The following PRDM10 variants were observed in gnomAD, a reference collection of about 807,000 sequenced individuals.
PRDM10 encodes the protein PR domain zinc finger protein 10.
Under a neutral mutation model 133.1 loss-of-function variants are expected in PRDM10, and 65 were observed. That is an observed-to-expected ratio of 0.49 (90% CI 0.40 to 0.60). The LOEUF (loss-of-function observed/expected upper bound fraction) is 0.60. Ranked by LOEUF, PRDM10 falls within the 20% of genes least tolerant of loss-of-function variation. The pLI is 0.00. For synonymous variants in PRDM10, 582 were observed against 580.4 expected (o/e 1.00, Z -0.04); for missense variants, 1,137 against 1,507.1 (o/e 0.75, Z 4.07).
At chr11:129,917,270 G>C (rs762813278) in intron 14 of PRDM10, 33 bp from the exon 15 acceptor site, 5 of 1,513,866 alleles carry the variant, frequency 3.3e-6, no homozygotes, top group African/African-American at 2.8e-5. Context: ...ATGAGAAAAA[G>C]AGACCCCATT....
rs946705713 is a variant in PRDM10, at chr11:129,945,029, G to A, written c.521-17C>T. 7 of 1,607,500 alleles carry A rather than the reference G, an allele frequency of 4.4e-6. No homozygotes were observed. Among genetic ancestry groups the A allele is most frequent in the Non-Finnish European group, 5.1e-6 (6 of 1,178,474 alleles). ...CCTCACACCCTGCAAAAGAGAGACA[G>A]TCTTGAAGAAAAGTCCAATTCCTCA... On this transcript the variant is annotated splice_polypyrimidine_tract_variant and intron_variant, in intron 5 of 20. Coordinates refer to ENST00000360871, the MANE Select transcript of PRDM10 (RefSeq NM_199437.2). This position sits in a 1 kb window ranked among gnomAD's most constrained non-coding sequence, Gnocchi z 4.2.
At chr11:129,925,702 C>G (rs1354559608) in intron 11 of PRDM10, among the ~76,000 whole-genome samples, 1 of 129,224 alleles carries the variant, frequency 7.7e-6, no homozygotes, top group Admixed American at 7.7e-5. Context: ...TTAGCAAAAA[C>G]AAAACAAACA....
intron 1 of PRDM10, among the ~76,000 whole-genome samples, chr11:129,983,784 T>G (rs1476778028): frequency 6.6e-6 from 1 of 150,636 alleles, no homozygotes; most frequent in Non-Finnish European, 1.5e-5. Context: ...TAGACTAAAC[T>G]ATAAGAAGAA....
At chr11:129,976,911 A>T (rs1200386297) in intron 1 of PRDM10, among the ~76,000 whole-genome samples, 1 of 152,132 alleles carries the variant, frequency 6.6e-6, no homozygotes, top group African/African-American at 2.4e-5. Context: ...ATTTTAAAAG[A>T]TTAACAACCA....
chr11:129,946,300 C>T (rs926269620), intron 5 of PRDM10, among the ~76,000 whole-genome samples: 3 of 151,644 alleles, frequency 2.0e-5, no homozygotes, highest in African/African-American at 4.8e-5. Flanking sequence ...GAAAAGAAAA[C>T]GTATGAATTC....
intron 19 of PRDM10, among the ~76,000 whole-genome samples, chr11:129,909,030 C>T (rs1045148925): frequency 1.3e-5 from 2 of 151,844 alleles, no homozygotes; most frequent in Admixed American, 6.6e-5. Flanking sequence ...ACGCCTGGCC[C>T]GCTCCACTCT....
chr11:130,002,148 GC>G (rs1939437996), intron 1 of PRDM10, among the ~76,000 whole-genome samples: 1 of 149,200 alleles, frequency 6.7e-6, no homozygotes, highest in South Asian at 2.1e-4. Flanking sequence ...CCGGCGCCCG[GC>G]CCCCAGCCCC....
Position 129,915,759 on chromosome 11 carries a change from T to C in PRDM10, c.2427A>G (p.Gly809=), listed in dbSNP as rs763531399. The C allele has an allele frequency of 5.0e-6, 8 of 1,613,984 alleles. No individual in the cohort carries two copies. The East Asian group carries it at 1.8e-4, about 36-fold the overall frequency. ...SIRKLRPAGP[G]EPDPMLSTHT... is the part of the protein sequence containing the mutation. ...GTGTGCTCAGCATGGGGTCTGGCTC[T>C]CCAGGACCAGCGGGTCGGAGCTTCC... is the stretch of plus-strand genomic sequence containing the variant. The change falls in exon 16 of 21, where the codon GGA becomes GGG. Residue 809 remains glycine (G), a synonymous_variant. Transcript: ENST00000360871.
chr11:129,927,167 ACT>A (rs1415203447), intron 11 of PRDM10, among the ~76,000 whole-genome samples: 4 of 100,384 alleles, frequency 4.0e-5, no homozygotes, highest in African/African-American at 1.2e-4. Context: ...TTGCAGTGAG[ACT>A]CTGTCTCAAA....
Position 129,937,680 on chromosome 11 carries a change from G to C in PRDM10, c.967-10C>G. 6.2e-7 allele frequency: 1 copy of C among 1,610,928 alleles called. No individual in the cohort carries two copies. The highest frequency in any genetic ancestry group is 8.5e-7 in the Non-Finnish European group (1 of 1,178,832). ...ATGCGGCATACCACACCTGCAAGAA[G>C]CAAGTATATCATCAAGAACTGGGGA... On this transcript the variant is annotated splice_polypyrimidine_tract_variant and intron_variant, in intron 7 of 20. Transcript: ENST00000360871.
intron 9 of PRDM10, 22 bp downstream of exon 9, chr11:129,935,079 A>G (rs776291888): frequency 1.3e-6 from 2 of 1,568,864 alleles, no homozygotes; most frequent in African/African-American, 1.3e-5. Flanking sequence ...TCAGTCTGTG[A>G]GCATTTCTCC....
At chr11:129,928,083 A>C (rs1013942929) in intron 11 of PRDM10, among the ~76,000 whole-genome samples, 2 of 152,222 alleles carry the variant, frequency 1.3e-5, no homozygotes, top group East Asian at 3.8e-4. Flanking sequence ...GACAGAGATC[A>C]TAAAATGTTT....
At chr11:129,944,546 C>G (rs939408705) in intron 6 of PRDM10, among the ~76,000 whole-genome samples, 2 of 150,074 alleles carry the variant, frequency 1.3e-5, no homozygotes, top group Non-Finnish European at 2.9e-5. Flanking sequence ...GATCGCGCCA[C>G]TGCACTCCAG....
chr11:129,931,712 G>A (rs964109191), intron 10 of PRDM10, among the ~76,000 whole-genome samples: 2 of 151,412 alleles, frequency 1.3e-5, no homozygotes, highest in African/African-American at 2.4e-5. Context: ...GATTGCAGGC[G>A]CCCGCCACTG....
chr11:129,927,167 A>G (rs1950703259), intron 11 of PRDM10, among the ~76,000 whole-genome samples: 1 of 100,384 alleles, frequency 1.0e-5, no homozygotes, highest in African/African-American at 4.1e-5. Context: ...TTGCAGTGAG[A>G]CTCTGTCTCA....
At position 129,990,726 on chromosome 11, in the gene PRDM10, C is replaced by T. The variant is rs184257022; in HGVS notation, c.-119+11996G>A. The stretch of plus-strand genomic sequence containing the variant: ...CCTCAAAGTGATCCTCCCACTTCGG[C>T]CCCCCAAAGTGCTGGGATTTATAGG... On this transcript the variant is annotated intron_variant, in intron 1 of 20. Transcript: ENST00000360871. Among the ~76,000 whole-genome samples the T allele has an allele frequency of 1.1e-4, 17 of 152,212 alleles. No individual in the cohort carries two copies. In the East Asian group the frequency reaches 3.1e-3, roughly 28 times the overall value.
At chr11:129,903,050 T>C (rs1316728768) in intron 20 of PRDM10, among the ~76,000 whole-genome samples, 2 of 152,032 alleles carry the variant, frequency 1.3e-5, no homozygotes, top group African/African-American at 2.4e-5. Flanking sequence ...ATCCCAGCAC[T>C]TTGGGAGGCC....
chr11:129,903,300 AAATAATAAT>A lies in PRDM10; in HGVS notation c.3268-793_3268-785del, dbSNP rs55765531. Reference sequence around the variant, plus strand: ...GCAACAAGAGCGAAACTCCGTCTCAAAATAATAATAATAATAATAATAATAATAATAATA... The same window carrying A: ...GCAACAAGAGCGAAACTCCGTCTCAAAATAATAATAATAATAATAATAATA... On this transcript the variant is annotated intron_variant, in intron 20 of 20. Coordinates refer to ENST00000360871, the MANE Select transcript of PRDM10 (RefSeq NM_199437.2). Among the ~76,000 whole-genome samples the A allele has an allele frequency of 5.3e-3, 733 of 137,990 alleles. 10 individuals carry two copies. Among genetic ancestry groups the A allele is most frequent in the African/African-American group, 0.018 (654 of 37,262 alleles). 90.5% of individuals were successfully genotyped at this position (137,990 alleles called of 152,430 possible). A position where few individuals can be genotyped will look rare whatever the true frequency, so the allele number is the denominator to read the frequency against.
chr11:129,903,767 T>C (rs1030381566), intron 20 of PRDM10, among the ~76,000 whole-genome samples: 1 of 152,158 alleles, frequency 6.6e-6, no homozygotes, highest in Admixed American at 6.5e-5. Context: ...GACAACGTTC[T>C]GATTATGATT....
Sources: gnomAD v4.1 joint callset for allele counts (sites outside exome capture counted in the v4.1 genomes callset) on GRCh38, gnomAD v4.1.1 for gene constraint, Gnocchi (gnomAD v3.1) non-coding constraint, MANE v1.5 for transcripts, NCBI Gene and HGNC (gene_info 2026-07-23, HGNC 2026-07-21) for gene names.